Variants in SLC22A31 observed in about 807,000 individuals in gnomAD.
SLC22A31 encodes solute carrier family 22 member 31, also known as putative solute carrier family 22 member 31.
SLC22A31 carries 42 observed loss-of-function variants against 27.4 expected under a neutral mutation model. The observed-to-expected ratio is 1.53, with a 90% CI of 1.20 to 1.98. The LOEUF (loss-of-function observed/expected upper bound fraction) is 1.98. Among genes scored for constraint, SLC22A31 ranks in the 30% most tolerant of loss-of-function variants. The pLI is 0.00. For missense variants in SLC22A31, 593 were observed against 479.9 expected, an observed-to-expected ratio of 1.24 and a Z score of -2.20; for synonymous variants, 290 against 230.8, an observed-to-expected ratio of 1.26 and a Z score of -2.33.
At chr16:89,198,088 G>C (rs1421368726) in intron 7 of SLC22A31, 34 bp downstream of exon 7, 1 of 1,529,492 alleles carries the variant, frequency 6.5e-7, no homozygotes. Flanking sequence ...CAAACACAAT[G>C]GCTCCTGTAT....
In SLC22A31 at chr16:89,197,362, C is replaced by A; in HGVS notation, c.970G>T (p.Ala324Ser). The A allele has an allele frequency of 6.5e-7, 1 of 1,535,846 alleles. No homozygotes were observed. Among genetic ancestry groups the A allele is most frequent in the Non-Finnish European group, 8.7e-7 (1 of 1,146,818 alleles). ...VLFLSVLGLL[A>S]SRAVSALSSL... ...CTGAGTGCGGACACAGCCCGGGAGG[C>A]CAGGAGCCCCAGGACAGAGAGGAAC... Residue 324 changes from alanine (A) to serine (S), a missense_variant, in exon 8 of 9, where the codon GCC becomes TCC. Physicochemically the swap from Ala to Ser is moderately conservative, Grantham distance 99 (BLOSUM62 1). Transcript: ENST00000682282.
chr16:89,198,576 G>C, intron 5 of SLC22A31, 26 bp from the exon 6 acceptor site: 2 of 1,512,730 alleles, frequency 1.3e-6, no homozygotes, highest in East Asian at 2.5e-5. Context: ...TGTGAGGGGA[G>C]GGGGGTGAGG....
chr16:89,198,363 C>A (rs1567781518), intron 6 of SLC22A31, 27 bp from the exon 7 acceptor site: 5 of 1,535,088 alleles, frequency 3.3e-6, no homozygotes, highest in Non-Finnish European at 3.5e-6. Flanking sequence ...ATCTATGGGC[C>A]CAGCCAGAGC....
intron 8 of SLC22A31, among the ~76,000 whole-genome samples, chr16:89,197,041 C>T (rs1018993071): frequency 2.6e-5 from 4 of 152,294 alleles, no homozygotes; most frequent in East Asian, 1.9e-4. Context: ...GCCCCCACCC[C>T]GCACTCCTGG....
At chr16:89,199,659 A>C (rs1916359843) in intron 2 of SLC22A31, 54 bp downstream of exon 2, 1 of 405,702 alleles carries the variant, frequency 2.5e-6, no homozygotes, top group African/African-American at 2.0e-5. Context: ...CTGAACCCTG[A>C]GAGTGGGCGG....
rs1458864206 is a variant in SLC22A31, at chr16:89,197,333, G to A, written c.999C>T (p.Ser333=). The A allele has an allele frequency of 2.6e-6, 4 of 1,535,858 alleles. No individual in the cohort carries two copies. Among genetic ancestry groups the A allele is most frequent in the Non-Finnish European group, 3.5e-6 (4 of 1,146,822 alleles). The stretch of plus-strand genomic sequence containing the variant: ...TGGGGAAGACCTCGGCCGCGAAGAG[G>A]CTGCTGAGTGCGGACACAGCCCGGG... ...LASRAVSALS[S]LFAAEVFPTV... is the part of the protein sequence containing the mutation. The change falls in exon 8 of 9, where the codon AGC becomes AGT. Residue 333 remains serine, a synonymous_variant. Coordinates refer to ENST00000682282, the MANE Select transcript of SLC22A31 (RefSeq NM_001384763.1).
At chr16:89,198,061 G>A in intron 7 of SLC22A31, 61 bp downstream of exon 7, 1 of 1,508,304 alleles carries the variant, frequency 6.6e-7, no homozygotes, top group Admixed American at 2.0e-5. Context: ...GCCCCCTGGT[G>A]TGGCAGACCG....
chr16:89,196,954 A>G (rs1028606555), intron 8 of SLC22A31, among the ~76,000 whole-genome samples: 3 of 151,594 alleles, frequency 2.0e-5, no homozygotes, highest in Admixed American at 6.6e-5. Flanking sequence ...CAAAAAAAAA[A>G]AAAAAGAAGA....
At chr16:89,199,670 A>C in intron 2 of SLC22A31, 43 bp downstream of exon 2, 1 of 403,442 alleles carries the variant, frequency 2.5e-6, no homozygotes, top group Non-Finnish European at 4.4e-6. Context: ...GAGTGGGCGG[A>C]GGGGAGGGCT....
intron 8 of SLC22A31, chr16:89,196,506 A>ATCTGTTGCCC: frequency 1.1e-6 from 1 of 947,974 alleles, no homozygotes; most frequent in Non-Finnish European, 1.5e-6. Flanking sequence ...TGGTGGGGCA[A>ATCTGTTGCCC]CAGATTGGGG....
At chr16:89,200,560 G>C (rs1916486702), upstream of SLC22A31, among the ~76,000 whole-genome samples, 1 of 152,216 alleles carries the variant, frequency 6.6e-6, no homozygotes, top group African/African-American at 2.4e-5. Context: ...GGAGCAGGGT[G>C]GAGAGAGAAG....
chr16:89,201,088 C>T, upstream of SLC22A31: 1 of 372,740 alleles, frequency 2.7e-6, no homozygotes. Flanking sequence ...GGGTCCGGCC[C>T]GTGCGCGCCC....
At chr16:89,199,598 G>A (rs1051345100) in intron 2 of SLC22A31, 31 bp from the exon 3 acceptor site, 3 of 428,516 alleles carry the variant, frequency 7.0e-6, no homozygotes, top group African/African-American at 4.0e-5. Context: ...TGCTTGGACA[G>A]GGTCAGGATA....
At chr16:89,196,994 C>T (rs72819372) in intron 8 of SLC22A31, among the ~76,000 whole-genome samples, 17,615 of 151,906 alleles carry the variant, frequency 0.12, 1,284 homozygotes, top group East Asian at 0.35. Flanking sequence ...ATGCTTTCCC[C>T]GAGAATTCTG....
chr16:89,198,188 G>A lies in SLC22A31; in HGVS notation c.856C>T (p.Pro286Ser). Reference protein sequence around the residue: ...LLTADCCGRRPVLLLGTMVTG... With the variant: ...LLTADCCGRRSVLLLGTMVTG... ...ACCATGGTGCCCAGCAGCAGCACGG[G>A]GCGGCGTCCACAGCAATCTGCCGTC... The change falls in exon 7 of 9, where the codon CCC becomes TCC. Residue 286 changes from proline to serine, a missense_variant. Coordinates refer to ENST00000682282, the MANE Select transcript of SLC22A31 (RefSeq NM_001384763.1). The A allele has an allele frequency of 6.5e-7, 1 of 1,535,592 alleles. No individual in the cohort carries two copies. The highest frequency in any genetic ancestry group is 8.7e-7 in the Non-Finnish European group (1 of 1,146,842).
At position 89,196,465 on chromosome 16, in the gene SLC22A31, C is replaced by T. The variant is rs973862947; in HGVS notation, c.1035-160G>A. 93 of 1,345,496 alleles carry T rather than the reference C, an allele frequency of 6.9e-5. No homozygotes were observed. In the African/African-American group the frequency reaches 1.3e-3, roughly 19 times the overall value. The allele number at this position is 1,345,496 out of a possible 1,614,324, so 83.3% of individuals were successfully genotyped here. A position where few individuals can be genotyped will look rare whatever the true frequency, so the allele number is the denominator to read the frequency against. On this transcript the variant is annotated intron_variant, in intron 8 of 8. Coordinates refer to ENST00000682282, the MANE Select transcript of SLC22A31 (RefSeq NM_001384763.1). ...CCCCAGCACCAGGCCCAGGCCGGCC[C>T]CTCTGTGGGAGAGAGTGCGTTGGGG...
Position 89,198,337 on chromosome 16 carries a change from C to G in SLC22A31, c.708-1G>C. On this transcript the variant is annotated splice_acceptor_variant, in intron 6 of 8. Transcript: ENST00000682282. LOFTEE classifies it high-confidence loss of function. ...AGCTCTGATGCCTCCACCAACCAGCCTGGGAGAGAGAGCAAATCTATGGGC... is the reference window on the plus strand; with the variant it reads ...AGCTCTGATGCCTCCACCAACCAGCGTGGGAGAGAGAGCAAATCTATGGGC... 1 of 1,535,860 alleles carries G rather than the reference C, an allele frequency of 6.5e-7. No homozygotes were observed. Among genetic ancestry groups the G allele is most frequent in the Non-Finnish European group, 8.7e-7 (1 of 1,146,862 alleles).
Position 89,199,711 on chromosome 16 carries a change from A to G in SLC22A31, c.128+2T>C, listed in dbSNP as rs1171078472. On this transcript the variant is annotated splice_donor_variant, in intron 2 of 8. Transcript: ENST00000682282. LOFTEE classifies it high-confidence loss of function. The stretch of plus-strand genomic sequence containing the variant: ...GCAGCAGGAAAAGGGAAGGGGCCTC[A>G]CCGGTCACAGCCTGCTCCCAGGATG... 3 of 405,656 alleles carry G rather than the reference A, an allele frequency of 7.4e-6. No individual in the cohort carries two copies. Among genetic ancestry groups the G allele is most frequent in the Non-Finnish European group, 1.3e-5 (3 of 228,790 alleles). The allele number at this position is 405,656 out of a possible 1,614,324, so 25.1% of individuals were successfully genotyped here. A position where few individuals can be genotyped will look rare whatever the true frequency, so the allele number is the denominator to read the frequency against.
chr16:89,198,347 G>A lies in SLC22A31; in HGVS notation c.708-11C>T, dbSNP rs1436070047. 2.7e-5 allele frequency: 41 copies of A among 1,535,682 alleles called. No homozygotes were observed. Among genetic ancestry groups the A allele is most frequent in the Non-Finnish European group, 3.0e-5 (34 of 1,146,826 alleles). ...CCTCCACCAACCAGCCTGGGAGAGAGAGCAAATCTATGGGCCCAGCCAGAG... is the reference window on the plus strand; with the variant it reads ...CCTCCACCAACCAGCCTGGGAGAGAAAGCAAATCTATGGGCCCAGCCAGAG... On this transcript the variant is annotated splice_polypyrimidine_tract_variant and intron_variant, in intron 6 of 8. Transcript: ENST00000682282.
Sources: allele counts gnomAD v4.1 joint callset (sites outside exome capture counted in the v4.1 genomes callset), GRCh38; gene constraint gnomAD v4.1.1; transcripts MANE v1.5; gene names NCBI Gene and HGNC (gene_info 2026-07-23, HGNC 2026-07-21).